TUBGCP6: variants seen among roughly 807,000 people sequenced by gnomAD.
The protein encoded by TUBGCP6 is gamma-tubulin complex component 6.
Under a neutral mutation model 175.8 loss-of-function variants are expected in TUBGCP6, and 161 were observed. That is an observed-to-expected ratio of 0.92 (90% CI 0.81 to 1.04). The LOEUF (loss-of-function observed/expected upper bound fraction) is 1.04, where lower values mean the gene tolerates loss of function less well. Among genes scored for constraint, TUBGCP6 ranks in the 50% least tolerant of loss-of-function variants. The pLI is 0.00. For synonymous variants in TUBGCP6, 1,173 were observed against 1,030.5 expected (o/e 1.14, Z -2.65); for missense variants, 2,572 against 2,433.0 (o/e 1.06, Z -1.20).
rs755240965 is a variant in TUBGCP6, at chr22:50,245,003, G to C, written c.-544C>G. ...GGCTGCCGCTCTCGCCGCCTCCGTC[G>C]CGTCACAGCCGCGCCAGTGTGAAGA... On this transcript the variant is annotated 5_prime_UTR_variant, in exon 1 of 25. Coordinates refer to ENST00000248846, the MANE Select transcript of TUBGCP6 (RefSeq NM_020461.4). The C allele has an allele frequency of 4.4e-6, 1 of 225,150 alleles. No homozygotes were observed. Among genetic ancestry groups the C allele is most frequent in the African/African-American group, 2.4e-5 (1 of 42,068 alleles). 13.9% of individuals were successfully genotyped at this position (225,150 alleles called of 1,614,324 possible).
intron 2 of TUBGCP6, among the ~76,000 whole-genome samples, chr22:50,238,379 G>A (rs2064801723): frequency 6.7e-6 from 1 of 149,030 alleles, no homozygotes; most frequent in Non-Finnish European, 1.5e-5. Context: ...CCCGGGAGGC[G>A]GAGGTTGCAG....
In TUBGCP6 at chr22:50,221,002, C is replaced by G. The variant is rs1051642109; in HGVS notation, c.3357G>C (p.Glu1119Asp). Residue 1119 changes from glutamate (E) to aspartate (D), a missense_variant, in exon 16 of 25, where the codon GAG becomes GAC. Coordinates refer to ENST00000248846, the MANE Select transcript of TUBGCP6 (RefSeq NM_020461.4). Reference sequence around the variant, plus strand: ...TGGTGGGAGCCACATCTGACACATTCTCCCCGACCCTGATGCTGGCGTTGG... The same window carrying G: ...TGGTGGGAGCCACATCTGACACATTGTCCCCGACCCTGATGCTGGCGTTGG... ...HVSNASIRVGENVSDVAPTRP... is the reference protein window; with the variant it reads ...HVSNASIRVGDNVSDVAPTRP... The G allele has an allele frequency of 7.5e-6, 12 of 1,610,326 alleles. No homozygotes were observed. The highest frequency in any genetic ancestry group is 1.7e-5 in the Admixed American group (1 of 59,402).
At chr22:50,219,564 C>T (rs909746864) in intron 18 of TUBGCP6, 80 bp downstream of exon 18, 7 of 1,590,858 alleles carry the variant, frequency 4.4e-6, no homozygotes, top group Non-Finnish European at 8.6e-7. Flanking sequence ...CAGGGCTCCG[C>T]CCCAACCCAC....
chr22:50,221,788 G>A lies in TUBGCP6; in HGVS notation c.2571C>T (p.Gly857=). The change falls in exon 16 of 25, where the codon GGC becomes GGT. Residue 857 remains glycine (G), a synonymous_variant. Transcript: ENST00000248846. ...SAEQHSPAWD[G]WNRPGLLTPQ... The stretch of plus-strand genomic sequence containing the variant: ...GGGTCAGCAGGCCTGGCCTGTTCCA[G>A]CCATCCCAGGCAGGCGAGTGTTGCT... 1 of 1,511,476 alleles carries A rather than the reference G, an allele frequency of 6.6e-7. No individual in the cohort carries two copies. The highest frequency in any genetic ancestry group is 8.9e-7 in the Non-Finnish European group (1 of 1,129,856). The allele number at this position is 1,511,476 out of a possible 1,614,324, so 93.6% of individuals were successfully genotyped here.
rs761519516 is a variant in TUBGCP6 at position 50,226,333 on chromosome 22, A to G, written c.1647T>C (p.Tyr549=). The G allele has an allele frequency of 3.7e-6, 6 of 1,613,652 alleles. No homozygotes were observed. The highest frequency in any genetic ancestry group is 1.1e-5 in the South Asian group (1 of 91,046). ...WVYSGVFRDA[Y]GEFMIQVNHE... Reference sequence around the variant, plus strand: ...GGTTCACCTGAATCATGAACTCGCCATAAGCGTCTCTGAACACCCCGCTGT... The same window carrying G: ...GGTTCACCTGAATCATGAACTCGCCGTAAGCGTCTCTGAACACCCCGCTGT... The change falls in exon 8 of 25, where the codon TAT becomes TAC. Residue 549 remains tyrosine, a synonymous_variant. Transcript: ENST00000248846.
rs780987973 is a variant in TUBGCP6, at chr22:50,225,840, C to T, written c.1937G>A (p.Arg646His). ...IEKDCAVYVG[R>H]MERVARHSSV... ...GCTGTGGCGGGCCACCCTCTCCATG[C>T]GCCCAACGTAGACGGCACAGTCCTT... The change falls in exon 10 of 25, where the codon CGC (arginine) becomes CAC (histidine). Residue 646 changes from arginine to histidine, a missense_variant. By Grantham distance (29) the Arg-to-His change is conservative. Coordinates refer to ENST00000248846, the MANE Select transcript of TUBGCP6 (RefSeq NM_020461.4). 23 of 1,613,730 alleles carry T rather than the reference C, an allele frequency of 1.4e-5. No homozygotes were observed. The highest frequency in any genetic ancestry group is 5.0e-5 in the Admixed American group (3 of 60,006).
At chr22:50,219,877 T>G in intron 17 of TUBGCP6, 80 bp downstream of exon 17, 1 of 1,603,968 alleles carries the variant, frequency 6.2e-7, no homozygotes, top group Non-Finnish European at 8.5e-7. Flanking sequence ...AAATCGCATG[T>G]GGGACCCACC....
At chr22:50,228,572 C>T (rs542540198) in intron 4 of TUBGCP6, among the ~76,000 whole-genome samples, 1 of 152,256 alleles carries the variant, frequency 6.6e-6, no homozygotes, top group East Asian at 1.9e-4. Context: ...CCCCAGGAGC[C>T]GCCTGGCTAT....
Position 50,226,753 on chromosome 22 carries a change from G to A in TUBGCP6, c.1581C>T (p.Thr527=). The A allele has an allele frequency of 6.3e-7, 1 of 1,588,388 alleles. No homozygotes were observed. The highest frequency in any genetic ancestry group is 8.6e-7 in the Non-Finnish European group (1 of 1,168,388). ...CCCACCGGGTGTAGGGCTCGCAGCT[G>A]GTCTTCAGCAGGGACAGCAGTACAG... ...HYPVLLSLLK[T]SCEPYTRFIH... is the part of the protein sequence containing the mutation. Residue 527 remains threonine (T), a synonymous_variant, in exon 7 of 25, where the codon ACC becomes ACT. Coordinates refer to ENST00000248846, the MANE Select transcript of TUBGCP6 (RefSeq NM_020461.4).
Position 50,221,720 on chromosome 22 carries a change from C to T in TUBGCP6, c.2639G>A (p.Gly880Glu). The stretch of plus-strand genomic sequence containing the variant: ...TCTGGCCCCCTCCGCCTGCTGCAGC[C>T]CCCTGCCACCAGCCCCCACTGCTAG... ...KPLAVGAGGR[G>E]LQQAEGARPF... The change falls in exon 16 of 25, where the codon GGG becomes GAG. Residue 880 changes from glycine (G) to glutamate (E), a missense_variant. By Grantham distance (98) the Gly-to-Glu change is moderately conservative (BLOSUM62 -2). Coordinates refer to ENST00000248846, the MANE Select transcript of TUBGCP6 (RefSeq NM_020461.4). 5.9e-6 allele frequency: 9 copies of T among 1,516,280 alleles called. No homozygotes were observed. The highest frequency in any genetic ancestry group is 7.9e-6 in the Non-Finnish European group (9 of 1,133,642). The allele number at this position is 1,516,280 out of a possible 1,614,324, so 93.9% of individuals were successfully genotyped here. A position where few individuals can be genotyped will look rare whatever the true frequency, so the allele number is the denominator to read the frequency against.
At position 50,219,065 on chromosome 22, in the gene TUBGCP6, C is replaced by T; in HGVS notation, c.4626+3G>A. ...CTGGCCCCACCCCGTGTCCGGAGGC[C>T]ACCTTCTCAAAGAGCAGGTCGCTGA... On this transcript the variant is annotated splice_donor_region_variant and intron_variant, in intron 20 of 24. Coordinates refer to ENST00000248846, the MANE Select transcript of TUBGCP6 (RefSeq NM_020461.4). The T allele has an allele frequency of 6.2e-7, 1 of 1,611,960 alleles. No homozygotes were observed. The highest frequency in any genetic ancestry group is 1.1e-5 in the South Asian group (1 of 90,986).
rs1265077215 is a variant in TUBGCP6, at chr22:50,220,730, G to A, written c.3629C>T (p.Pro1210Leu). The A allele has an allele frequency of 6.2e-7, 1 of 1,611,318 alleles. No individual in the cohort carries two copies. The highest frequency in any genetic ancestry group is 1.1e-5 in the South Asian group (1 of 90,868). Residue 1210 changes from proline (P) to leucine (L), a missense_variant, in exon 16 of 25, where the codon CCA (proline) becomes CTA (leucine). Transcript: ENST00000248846. ...CACATGTCCGTGGGTGTTCCACCGTGGCCGGGTGGGAGCCATGTCTGACAC... is the reference window on the plus strand; with the variant it reads ...CACATGTCCGTGGGTGTTCCACCGTAGCCGGGTGGGAGCCATGTCTGACAC... ...ESVSDMAPTR[P>L]RWNTHGHVSD... is the part of the protein sequence containing the mutation.
intron 3 of TUBGCP6, among the ~76,000 whole-genome samples, chr22:50,230,149 C>T (rs912474466): frequency 4.6e-5 from 7 of 152,138 alleles, no homozygotes; most frequent in African/African-American, 1.7e-4. Flanking sequence ...ACAACAGCAC[C>T]GTGTATACCC....
chr22:50,240,053 G>C, intron 2 of TUBGCP6, 151 bp downstream of exon 2: 1 of 1,062,108 alleles, frequency 9.4e-7, no homozygotes, highest in Non-Finnish European at 1.4e-6. Context: ...TAACTCCCAG[G>C]ACTCAGTCAA....
In TUBGCP6 at chr22:50,235,502, C is replaced by T. The variant is rs151010244; in HGVS notation, c.906-1976G>A. 7.2e-5 allele frequency among the ~76,000 whole-genome samples: 11 copies of T among 152,232 alleles called. No homozygotes were observed. The South Asian group carries it at 8.3e-4, about 11-fold the overall frequency. ...CTCCAGAAGGCACGGCACTCAAGGACGCCGTGTGGAGTGCAATGAGCCATC... is the reference window on the plus strand; with the variant it reads ...CTCCAGAAGGCACGGCACTCAAGGATGCCGTGTGGAGTGCAATGAGCCATC... On this transcript the variant is annotated intron_variant, in intron 2 of 24. Coordinates refer to ENST00000248846, the MANE Select transcript of TUBGCP6 (RefSeq NM_020461.4).
rs2064584944 is a variant in TUBGCP6 at position 50,225,055 on chromosome 22, CCCCGCCCA to C, written c.1984-471_1984-464del. ...ACCAGGTGATGGCAGGACACCGCCCCCCCGCCCACCCTCCCCCACCCCCAGGCTCTCAG... is the reference window on the plus strand; with the variant it reads ...ACCAGGTGATGGCAGGACACCGCCCCCCCTCCCCCACCCCCAGGCTCTCAG... On this transcript the variant is annotated intron_variant, in intron 10 of 24. Transcript: ENST00000248846. Among the ~76,000 whole-genome samples, 6 of 143,918 alleles carry C rather than the reference CCCCGCCCA, an allele frequency of 4.2e-5. No individual in the cohort carries two copies. In the South Asian group the frequency reaches 1.4e-3, roughly 34 times the overall value. 94.4% of individuals were successfully genotyped at this position (143,918 alleles called of 152,430 possible).
chr22:50,220,589 G>A lies in TUBGCP6; in HGVS notation c.3770C>T (p.Ser1257Leu), dbSNP rs755994947. 78 of 1,613,508 alleles carry A rather than the reference G, an allele frequency of 4.8e-5. No individual in the cohort carries two copies. The highest frequency in any genetic ancestry group is 3.0e-4 in the Admixed American group (18 of 59,944). ...CCGTGGCCGGGTGGAAACCACATCCGACACAGGCTCCCCCAAGCTGATGCT... is the reference window on the plus strand; with the variant it reads ...CCGTGGCCGGGTGGAAACCACATCCAACACAGGCTCCCCCAAGCTGATGCT... ...DASISLGEPV[S>L]DVVSTRPRWN... Residue 1257 changes from serine (S) to leucine (L), a missense_variant, in exon 16 of 25, where the codon TCG (serine) becomes TTG (leucine). Transcript: ENST00000248846.
At position 50,218,775 on chromosome 22, in the gene TUBGCP6, A is replaced by G. The variant is rs1184352821; in HGVS notation, c.4749T>C (p.Ala1583=). 5 of 1,613,998 alleles carry G rather than the reference A, an allele frequency of 3.1e-6. No homozygotes were observed. Among genetic ancestry groups the G allele is most frequent in the Non-Finnish European group, 4.2e-6 (5 of 1,179,990 alleles). Residue 1583 remains alanine (A), a synonymous_variant, in exon 21 of 25, where the codon GCT becomes GCC. Coordinates refer to ENST00000248846, the MANE Select transcript of TUBGCP6 (RefSeq NM_020461.4). ...DTPHASNLSL[A]LKYLPEVFAP... Reference sequence around the variant, plus strand: ...CAAACACCTCGGGCAGGTACTTGAGAGCGAGGGAGAGGTTGGAGGCGTGCG... The same window carrying G: ...CAAACACCTCGGGCAGGTACTTGAGGGCGAGGGAGAGGTTGGAGGCGTGCG...
chr22:50,232,008 C>T (rs2064700382), intron 3 of TUBGCP6, among the ~76,000 whole-genome samples: 2 of 151,198 alleles, frequency 1.3e-5, no homozygotes, highest in Admixed American at 1.3e-4. Flanking sequence ...ATCACTTGAG[C>T]CCAGGAGTTC....
Sources: allele counts gnomAD v4.1 joint callset (sites outside exome capture counted in the v4.1 genomes callset), GRCh38; gene constraint gnomAD v4.1.1; transcripts MANE v1.5; gene names NCBI Gene and HGNC (gene_info 2026-07-23, HGNC 2026-07-21).